Variants in SPATS2 observed in about 807,000 individuals in gnomAD.
SPATS2 encodes the protein spermatogenesis-associated serine-rich protein 2.
In SPATS2, 38 loss-of-function variants were observed where a neutral mutation model predicts 63.7. The observed-to-expected ratio is 0.60, with a 90% CI of 0.46 to 0.78. The LOEUF is 0.78. Ranked by LOEUF, SPATS2 falls within the 30% of genes least tolerant of loss-of-function variation. The pLI, the probability that SPATS2 is intolerant of heterozygous loss-of-function variation, is 0.00. For synonymous variants in SPATS2, 207 were observed against 232.9 expected (o/e 0.89, Z 1.01); for missense variants, 588 against 666.2 (o/e 0.88, Z 1.29).
intron 2 of SPATS2, among the ~76,000 whole-genome samples, chr12:49,371,877 T>C (rs1944003968): frequency 6.6e-6 from 1 of 151,644 alleles, no homozygotes; most frequent in South Asian, 2.1e-4. Flanking sequence ...AGGCCCCACC[T>C]TCAACACTGG....
rs1947035856 is a variant in SPATS2, at chr12:49,526,334, T to C, written c.*79T>C. 2.7e-6 allele frequency: 4 copies of C among 1,467,544 alleles called. No homozygotes were observed. The highest frequency in any genetic ancestry group is 2.7e-6 in the Non-Finnish European group (3 of 1,102,528). 90.9% of individuals were successfully genotyped at this position (1,467,544 alleles called of 1,614,324 possible). A position where few individuals can be genotyped will look rare whatever the true frequency, so the allele number is the denominator to read the frequency against. ...GGACTTTAGGAAACTTACAGTTAGA[T>C]GTAATAACAAAAAGAAGTTTATGCG... On this transcript the variant is annotated 3_prime_UTR_variant, in exon 14 of 14. Coordinates refer to ENST00000552918, the MANE Select transcript of SPATS2 (RefSeq NM_023071.4).
At chr12:49,522,000 ACTTCT>A (rs1946949877) in intron 11 of SPATS2, among the ~76,000 whole-genome samples, 1 of 149,572 alleles carries the variant, frequency 6.7e-6, no homozygotes, top group Non-Finnish European at 1.5e-5. Flanking sequence ...TAGGCCTTTC[ACTTCT>A]CTTTTTTATC....
At chr12:49,401,414 T>TA (rs1418629308) in intron 2 of SPATS2, among the ~76,000 whole-genome samples, 1 of 152,222 alleles carries the variant, frequency 6.6e-6, no homozygotes, top group Non-Finnish European at 1.5e-5. Context: ...ATTTTAAACA[T>TA]ACAAAAGTAA....
chr12:49,387,461 A>G (rs1369831401), intron 2 of SPATS2, among the ~76,000 whole-genome samples: 1 of 151,526 alleles, frequency 6.6e-6, no homozygotes, highest in Non-Finnish European at 1.5e-5. Flanking sequence ...ACTTGGTGAA[A>G]ACCCATCTCT....
intron 9 of SPATS2, among the ~76,000 whole-genome samples, chr12:49,511,515 A>G (rs1946753224): frequency 6.6e-6 from 1 of 152,130 alleles, no homozygotes. Context: ...TCCATTCAAG[A>G]AAGCCTTGAG....
Position 49,524,808 on chromosome 12 carries a change from C to T in SPATS2, c.1238C>T (p.Thr413Ile), listed in dbSNP as rs568672237. ...SSTCASPPSL[T>I]SANKKNFAPG... ...ACCTGTGCCTCTCCTCCCAGCCTTA[C>T]AAGTGCTAACAAGAAAAACTTTGCA... The change falls in exon 13 of 14, where the codon ACA becomes ATA. Residue 413 changes from threonine (T) to isoleucine (I), a missense_variant. Transcript: ENST00000552918. 6.2e-7 allele frequency: 1 copy of T among 1,614,136 alleles called. No individual in the cohort carries two copies. Among genetic ancestry groups the T allele is most frequent in the East Asian group, 2.2e-5 (1 of 44,880 alleles).
chr12:49,504,179 G>C (rs1946616425), intron 9 of SPATS2, among the ~76,000 whole-genome samples: 1 of 152,150 alleles, frequency 6.6e-6, no homozygotes, highest in African/African-American at 2.4e-5. Context: ...AGTTCTAACA[G>C]ATTTGCCCCA....
At chr12:49,457,198 G>T (rs946060037) in intron 2 of SPATS2, among the ~76,000 whole-genome samples, 4 of 151,852 alleles carry the variant, frequency 2.6e-5, no homozygotes, top group African/African-American at 4.8e-5. Context: ...TTTCCAGGTT[G>T]GGTTCTTCAT....
At chr12:49,472,224 A>G (rs1437242094) in intron 3 of SPATS2, among the ~76,000 whole-genome samples, 2 of 152,174 alleles carry the variant, frequency 1.3e-5, no homozygotes, top group South Asian at 2.1e-4. Flanking sequence ...CTATATACCT[A>G]TAACTCAGGT....
At chr12:49,520,116 A>G (rs1946916258) in intron 11 of SPATS2, among the ~76,000 whole-genome samples, 1 of 152,032 alleles carries the variant, frequency 6.6e-6, no homozygotes, top group African/African-American at 2.4e-5. Context: ...AGTAGCTAGG[A>G]TTATAGGCAT....
At chr12:49,409,398 C>T (rs898328935) in intron 2 of SPATS2, among the ~76,000 whole-genome samples, 5 of 151,822 alleles carry the variant, frequency 3.3e-5, no homozygotes, top group Non-Finnish European at 5.9e-5. Flanking sequence ...CTCCGCCTCC[C>T]GGGTTCACGC....
chr12:49,514,486 TTAA>T, intron 9 of SPATS2, 66 bp from the exon 10 acceptor site: 3 of 1,449,160 alleles, frequency 2.1e-6, no homozygotes, highest in Non-Finnish European at 1.9e-6. Context: ...TTCTTTACTA[TTAA>T]TAATGTGCTA....
chr12:49,377,786 A>C (rs912431421), intron 2 of SPATS2, among the ~76,000 whole-genome samples: 1 of 152,150 alleles, frequency 6.6e-6, no homozygotes, highest in Non-Finnish European at 1.5e-5. Context: ...AAAATAGGGA[A>C]GCTGTATGAG....
intron 2 of SPATS2, among the ~76,000 whole-genome samples, chr12:49,382,862 G>C (rs1487045111): frequency 6.6e-6 from 1 of 151,954 alleles, no homozygotes; most frequent in Non-Finnish European, 1.5e-5. Context: ...ACGCCACCAT[G>C]CCCGGCTAAT....
chr12:49,496,607 A>T (rs1946468094), intron 7 of SPATS2, among the ~76,000 whole-genome samples: 1 of 151,834 alleles, frequency 6.6e-6, no homozygotes, highest in Non-Finnish European at 1.5e-5. Context: ...GTTGCCACAG[A>T]CTCTTCTCTT....
intron 4 of SPATS2, among the ~76,000 whole-genome samples, chr12:49,485,982 C>A (rs1249242862): frequency 6.6e-6 from 1 of 151,368 alleles, no homozygotes; most frequent in Non-Finnish European, 1.5e-5. Flanking sequence ...TGGTCTCAAA[C>A]TCCTGACCTC....
At chr12:49,511,181 T>TC (rs1946747442) in intron 9 of SPATS2, among the ~76,000 whole-genome samples, 1 of 148,062 alleles carries the variant, frequency 6.8e-6, no homozygotes, top group East Asian at 2.0e-4. Context: ...AGAGCGAGAC[T>TC]CCATCTCAAA....
chr12:49,483,392 A>G (rs1946238493), intron 3 of SPATS2, among the ~76,000 whole-genome samples: 1 of 151,996 alleles, frequency 6.6e-6, no homozygotes, highest in Non-Finnish European at 1.5e-5. Flanking sequence ...GTTCTATAAG[A>G]TCTTCGTTTT....
In SPATS2 at chr12:49,420,162, TGG is replaced by T. The variant is rs1944954663; in HGVS notation, c.-243-40606_-243-40605del. Reference sequence around the variant, plus strand: ...GTTTGGTCTTCCTTAAACACGTAGATGGGTAGAAAAGGATGTTTCTTTCCCTT... The same window carrying T: ...GTTTGGTCTTCCTTAAACACGTAGATGTAGAAAAGGATGTTTCTTTCCCTT... On this transcript the variant is annotated intron_variant, in intron 2 of 13. Coordinates refer to ENST00000552918, the MANE Select transcript of SPATS2 (RefSeq NM_023071.4). Among the ~76,000 whole-genome samples the T allele has an allele frequency of 2.6e-5, 4 of 152,360 alleles. No individual in the cohort carries two copies. The East Asian group carries it at 7.7e-4, about 29-fold the overall frequency.
Sources: gnomAD v4.1 joint callset for allele counts (sites outside exome capture counted in the v4.1 genomes callset) on GRCh38, gnomAD v4.1.1 for gene constraint, MANE v1.5 for transcripts, NCBI Gene and HGNC (gene_info 2026-07-23, HGNC 2026-07-21) for gene names.